The following KCNH1 variants were observed in gnomAD, a reference collection of about 807,000 sequenced individuals.
KCNH1 encodes voltage-gated delayed rectifier potassium channel KCNH1.
Under a neutral mutation model 69.2 loss-of-function variants are expected in KCNH1, and 27 were observed. The observed-to-expected ratio is 0.39, with a 90% CI of 0.29 to 0.54. The LOEUF is 0.54. Ranked by LOEUF, KCNH1 falls within the 20% of genes least tolerant of loss-of-function variation. The pLI is 0.68. For synonymous variants in KCNH1, 456 were observed against 487.7 expected (o/e 0.93, Z 0.86); for missense variants, 798 against 1,261.6 (o/e 0.63, Z 5.57).
At chr1:210,813,845 T>TG (rs1201234484) in intron 7 of KCNH1, among the ~76,000 whole-genome samples, 1 of 151,772 alleles carries the variant, frequency 6.6e-6, no homozygotes, top group Non-Finnish European at 1.5e-5. Context: ...ATCATGGGGG[T>TG]GGGTCTTTCC....
At chr1:210,878,909 G>A (rs180834066) in intron 7 of KCNH1, among the ~76,000 whole-genome samples, 46 of 152,060 alleles carry the variant, frequency 3.0e-4, no homozygotes, top group Non-Finnish European at 6.0e-4. Flanking sequence ...AAAGGAGAGA[G>A]AGGACATAAA....
At chr1:211,097,394 A>C (rs1386720442) in intron 3 of KCNH1, among the ~76,000 whole-genome samples, 1 of 152,176 alleles carries the variant, frequency 6.6e-6, no homozygotes, top group Non-Finnish European at 1.5e-5. Flanking sequence ...CAGAACCATA[A>C]AGGAAAACGC....
chr1:210,875,687 C>T (rs919715756), intron 7 of KCNH1, among the ~76,000 whole-genome samples: 2 of 151,848 alleles, frequency 1.3e-5, no homozygotes, highest in Non-Finnish European at 2.9e-5. Context: ...CCTGTAATCC[C>T]AGCTACTCGG....
intron 5 of KCNH1, among the ~76,000 whole-genome samples, chr1:211,038,243 G>A (rs1362775388): frequency 6.6e-6 from 1 of 152,108 alleles, no homozygotes; most frequent in Non-Finnish European, 1.5e-5. Context: ...TTACAGGCAT[G>A]AGCCACCACA....
rs752048483 is a variant in KCNH1 at position 210,902,013 on chromosome 1, T to G, written c.1462+17627A>C. ...AGGCAGTGCTAAAAGCTGGCCTCAC[T>G]AAGGATGCTGGGCTACATGTGGGCA... On this transcript the variant is annotated intron_variant, in intron 7 of 10. Transcript: ENST00000271751. Among the ~76,000 whole-genome samples the G allele has an allele frequency of 1.1e-4, 16 of 152,172 alleles. 1 individual carries two copies. In the South Asian group the frequency reaches 1.9e-3, roughly 18 times the overall value.
rs770686725 is a variant in KCNH1 at position 210,680,025 on chromosome 1, T to A, written c.*3256A>T. On this transcript the variant is annotated 3_prime_UTR_variant, in exon 11 of 11. Coordinates refer to ENST00000271751, the MANE Select transcript of KCNH1 (RefSeq NM_172362.3). ...GGTTTCTCAACCAAATGGTCGTCTC[T>A]GTTTCCGTCCTTTGGCTATCTTGTC... The A allele has an allele frequency of 6.6e-6, 1 of 152,166 alleles. No individual in the cohort carries two copies. Among genetic ancestry groups the A allele is most frequent in the Non-Finnish European group, 1.5e-5 (1 of 68,032 alleles). The allele number at this position is 152,166 out of a possible 1,614,324, so 9.4% of individuals were successfully genotyped here.
In KCNH1 at chr1:210,862,265, T is replaced by C. The variant is rs1574302861; in HGVS notation, c.1462+57375A>G. On this transcript the variant is annotated intron_variant, in intron 7 of 10. Transcript: ENST00000271751. ...TCCATGGTGCCCCGCAGGGCCTCGA[T>C]AATGGTGTTGGGGTCCATTGCAGCA... 5 of 1,023,574 alleles carry C rather than the reference T, an allele frequency of 4.9e-6. No individual in the cohort carries two copies. In the East Asian group the frequency reaches 1.2e-4, roughly 25 times the overall value. The allele number at this position is 1,023,574 out of a possible 1,614,324, so 63.4% of individuals were successfully genotyped here. A position where few individuals can be genotyped will look rare whatever the true frequency, so the allele number is the denominator to read the frequency against.
chr1:210,950,612 C>G (rs965930350), intron 6 of KCNH1, among the ~76,000 whole-genome samples: 1 of 151,718 alleles, frequency 6.6e-6, no homozygotes, highest in African/African-American at 2.4e-5. Flanking sequence ...TTAATCCAGT[C>G]TATCATTGTT....
intron 10 of KCNH1, among the ~76,000 whole-genome samples, chr1:210,714,751 T>A (rs1682179460): frequency 6.6e-6 from 1 of 152,178 alleles, no homozygotes. Flanking sequence ...CTTTATCTTT[T>A]GTGCACTCCA....
chr1:211,002,359 C>A (rs1409110181), intron 6 of KCNH1, among the ~76,000 whole-genome samples: 1 of 146,166 alleles, frequency 6.8e-6, no homozygotes, highest in Non-Finnish European at 1.5e-5. Flanking sequence ...TATATACACA[C>A]ACACATATAT....
chr1:211,001,185 C>T lies in KCNH1; in HGVS notation c.1032+17598G>A, dbSNP rs897937748. ...AATGGGATGTAATCAAACTAAAGAGCTTCTGCACAGCAAAAGAAACTACCA... is the reference window on the plus strand; with the variant it reads ...AATGGGATGTAATCAAACTAAAGAGTTTCTGCACAGCAAAAGAAACTACCA... On this transcript the variant is annotated intron_variant, in intron 6 of 10. Transcript: ENST00000271751. 5.3e-5 allele frequency among the ~76,000 whole-genome samples: 8 copies of T among 152,120 alleles called. 1 individual carries two copies. The highest frequency in any genetic ancestry group is 3.9e-4 in the Admixed American group (6 of 15,264).
intron 10 of KCNH1, among the ~76,000 whole-genome samples, chr1:210,754,873 CACACACAG>C (rs1683361305): frequency 6.7e-6 from 1 of 148,444 alleles, no homozygotes; most frequent in African/African-American, 2.5e-5. Context: ...CACACACACA[CACACACAG>C]ACACATACAA....
At chr1:211,093,595 G>A (rs1200201086) in intron 3 of KCNH1, among the ~76,000 whole-genome samples, 1 of 152,144 alleles carries the variant, frequency 6.6e-6, no homozygotes, top group Non-Finnish European at 1.5e-5. Flanking sequence ...CATGTTCCCT[G>A]ATTAAACACA....
chr1:210,700,602 G>GA (rs1681749442), intron 10 of KCNH1, among the ~76,000 whole-genome samples: 1 of 152,064 alleles, frequency 6.6e-6, no homozygotes, highest in Non-Finnish European at 1.5e-5. Flanking sequence ...TACATCTGTG[G>GA]AAAAAAATCT....
At chr1:211,055,587 C>T (rs1690288416) in intron 5 of KCNH1, among the ~76,000 whole-genome samples, 1 of 152,112 alleles carries the variant, frequency 6.6e-6, no homozygotes, top group Non-Finnish European at 1.5e-5. Flanking sequence ...GCTGGGATGG[C>T]CAAGGAAGTG....
rs1030337990 is a variant in KCNH1, at chr1:211,115,701, C to A, written c.80-8324G>T. 1.7e-3 allele frequency among the ~76,000 whole-genome samples: 120 copies of A among 70,720 alleles called. 2 individuals are homozygous for A. Among genetic ancestry groups the A allele is most frequent in the Admixed American group, 2.9e-3 (21 of 7,178 alleles). 46.4% of individuals were successfully genotyped at this position (70,720 alleles called of 152,430 possible). A position where few individuals can be genotyped will look rare whatever the true frequency, so the allele number is the denominator to read the frequency against. On this transcript the variant is annotated intron_variant, in intron 1 of 10. Coordinates refer to ENST00000271751, the MANE Select transcript of KCNH1 (RefSeq NM_172362.3). ...GTAAGTTAATACTTAATAAACTCCC[C>A]TATATATATATATATGTATATATAT...
chr1:211,051,779 A>C (rs1044222076), intron 5 of KCNH1, among the ~76,000 whole-genome samples: 1 of 152,192 alleles, frequency 6.6e-6, no homozygotes, highest in African/African-American at 2.4e-5. Flanking sequence ...AAGAATCACA[A>C]ATCCTCACAA....
chr1:210,861,527 T>C (rs1685977995), intron 7 of KCNH1: 3 of 772,920 alleles, frequency 3.9e-6, no homozygotes, highest in South Asian at 2.7e-5. Context: ...CTCAGGTCGG[T>C]CATCTTCTTC....
intron 10 of KCNH1, among the ~76,000 whole-genome samples, chr1:210,725,057 G>A (rs747091126): frequency 9.2e-5 from 14 of 152,136 alleles, no homozygotes; most frequent in Admixed American, 6.6e-5. Flanking sequence ...ATAAAAGCTT[G>A]GCTAATCAGA....
Sources: allele counts gnomAD v4.1 joint callset (sites outside exome capture counted in the v4.1 genomes callset), GRCh38; gene constraint gnomAD v4.1.1; transcripts MANE v1.5; gene names NCBI Gene and HGNC (gene_info 2026-07-23, HGNC 2026-07-21).